The following MRPL38 variants were observed in gnomAD, a reference collection of about 807,000 sequenced individuals.
The protein encoded by MRPL38 is mitochondrial ribosomal protein L38, also known as large ribosomal subunit protein mL38.
MRPL38 carries 51 observed loss-of-function variants against 52.1 expected under a neutral mutation model. The ratio of observed to expected loss-of-function variants is 0.98; its 90% confidence interval spans 0.78 to 1.24. MRPL38 has a LOEUF of 1.24. Ranked by LOEUF, MRPL38 falls within the 50% of genes most tolerant of loss-of-function variation. The pLI, the probability that MRPL38 is intolerant of heterozygous loss-of-function variation, is 0.00. For missense variants in MRPL38, 527 were observed against 518.6 expected, an observed-to-expected ratio of 1.02 and a Z score of -0.16; for synonymous variants, 245 against 212.7, an observed-to-expected ratio of 1.15 and a Z score of -1.32.
chr17:75,900,778 G>A (rs954366061), intron 6 of MRPL38: 77 of 1,402,486 alleles, frequency 5.5e-5, no homozygotes, highest in Non-Finnish European at 7.0e-5. Flanking sequence ...ACTGACCGAG[G>A]CCTACTGCAA....
intron 2 of MRPL38, among the ~76,000 whole-genome samples, chr17:75,902,753 ACT>A (rs1007324379): frequency 6.6e-6 from 1 of 151,644 alleles, no homozygotes; most frequent in African/African-American, 2.4e-5. Context: ...ACAGAATCTC[ACT>A]CTCTCGCCCA....
chr17:75,901,813 C>T lies in MRPL38; in HGVS notation c.490G>A (p.Gly164Ser), dbSNP rs764881269. Residue 164 changes from glycine (G) to serine (S), a missense_variant, in exon 4 of 9, where the codon GGT (glycine) becomes AGT (serine). By Grantham distance (56) the Gly-to-Ser change is moderately conservative. Coordinates refer to ENST00000309352, the MANE Select transcript of MRPL38 (RefSeq NM_032478.4). This position sits in a 1 kb window ranked among gnomAD's most constrained non-coding sequence, Gnocchi z 5.7. ...GGGACTCGGGGCACAAAGGTGGCAC[C>T]GTGGAACAGGTCTCGGTAGAGGCCG... is the stretch of plus-strand genomic sequence containing the variant. ...YYGLYRDLFH[G>S]ATFVPRVPLH... The T allele has an allele frequency of 6.8e-6, 11 of 1,613,506 alleles. No individual in the cohort carries two copies. The highest frequency in any genetic ancestry group is 2.2e-5 in the East Asian group (1 of 44,870).
At chr17:75,904,768 C>CTGG in intron 1 of MRPL38, 41 bp downstream of exon 1, 4 of 1,056,376 alleles carry the variant, frequency 3.8e-6, no homozygotes, top group Non-Finnish European at 5.0e-6. Flanking sequence ...GCTCGGGCGA[C>CTGG]AGCCCCCCCC....
intron 8 of MRPL38, 42 bp downstream of exon 8, chr17:75,899,116 G>C: frequency 6.4e-7 from 1 of 1,571,200 alleles, no homozygotes; most frequent in African/African-American, 1.4e-5. Context: ...GCGAGGCCTG[G>C]GAGCTCAGGC....
At chr17:75,904,512 T>C in intron 2 of MRPL38, 28 bp downstream of exon 2, 2 of 1,498,654 alleles carry the variant, frequency 1.3e-6, no homozygotes, top group South Asian at 1.3e-5. Flanking sequence ...GGGCGGTGGC[T>C]GCAGCCCCTG....
intron 8 of MRPL38, 33 bp downstream of exon 8, chr17:75,899,125 G>T (rs1242268138): frequency 6.3e-7 from 1 of 1,584,590 alleles, no homozygotes; most frequent in Non-Finnish European, 8.6e-7. Context: ...GGGAGCTCAG[G>T]CCCACCCAGT....
At chr17:75,904,105 C>T in intron 2 of MRPL38, 1 of 408,284 alleles carries the variant, frequency 2.4e-6, no homozygotes, top group African/African-American at 2.1e-5. Flanking sequence ...TACATCCTTG[C>T]ACTGTTCGGG....
Position 75,901,777 on chromosome 17 carries a change from C to A in MRPL38, c.526G>T (p.Ala176Ser). ...TFVPRVPLHV[A>S]YAVGEDDLMP... ...AGGTCATCCTCACCCACAGCGTAGG[C>A]CACGTGCAGGGGGACTCGGGGCACA... The change falls in exon 4 of 9, where the codon GCC (alanine) becomes TCC (serine). Residue 176 changes from alanine to serine, a missense_variant. Physicochemically the swap from Ala to Ser is moderately conservative, Grantham distance 99. Transcript: ENST00000309352. The surrounding 1 kb of genome is among the most constrained non-coding windows in gnomAD (Gnocchi z 5.7). The A allele has an allele frequency of 6.2e-7, 1 of 1,613,754 alleles. No individual in the cohort carries two copies.
intron 1 of MRPL38, 39 bp downstream of exon 1, chr17:75,904,770 G>GGGGGCCCCCCCCCC: frequency 2.0e-6 from 1 of 500,006 alleles, no homozygotes. Flanking sequence ...TCGGGCGACA[G>GGGGGCCCCCCCCCC]CCCCCCCCCC....
chr17:75,900,653 A>G, intron 6 of MRPL38: 1 of 619,736 alleles, frequency 1.6e-6, no homozygotes, highest in Non-Finnish European at 2.2e-6. Flanking sequence ...CCCAGGAGTT[A>G]GCGGCTGCAA....
At chr17:75,903,387 C>T (rs2065413857) in intron 2 of MRPL38, among the ~76,000 whole-genome samples, 1 of 152,140 alleles carries the variant, frequency 6.6e-6, no homozygotes, top group Non-Finnish European at 1.5e-5. Context: ...GCCTGGGCAA[C>T]AGAGCGAGCC....
Position 75,901,354 on chromosome 17 carries a change from A to G in MRPL38, c.592-81T>C, listed in dbSNP as rs1370737692. ...GGGAGCCTTGGAGAAAGGGGTGCCC[A>G]CTCTGACCCAAAAGCCCTTGACAAC... On this transcript the variant is annotated intron_variant, in intron 4 of 8. Coordinates refer to ENST00000309352, the MANE Select transcript of MRPL38 (RefSeq NM_032478.4). This position sits in a 1 kb window ranked among gnomAD's most constrained non-coding sequence, Gnocchi z 5.7. The G allele has an allele frequency of 3.0e-5, 41 of 1,388,798 alleles. No individual in the cohort carries two copies. The highest frequency in any genetic ancestry group is 3.9e-5 in the Non-Finnish European group (39 of 996,214). 86.0% of individuals were successfully genotyped at this position (1,388,798 alleles called of 1,614,324 possible). A position where few individuals can be genotyped will look rare whatever the true frequency, so the allele number is the denominator to read the frequency against.
intron 6 of MRPL38, chr17:75,900,036 G>C (rs2065396913): frequency 6.1e-6 from 1 of 165,168 alleles, no homozygotes; most frequent in South Asian, 2.0e-4. Context: ...CCAGGACCTC[G>C]TCAGGGAGTG....
At position 75,904,796 on chromosome 17, in the gene MRPL38, G is replaced by A. The variant is rs1307494378; in HGVS notation, c.67+13C>T. 2 of 703,968 alleles carry A rather than the reference G, an allele frequency of 2.8e-6. No homozygotes were observed. The highest frequency in any genetic ancestry group is 3.8e-6 in the Non-Finnish European group (2 of 531,804). The allele number at this position is 703,968 out of a possible 1,614,324, so 43.6% of individuals were successfully genotyped here. A position where few individuals can be genotyped will look rare whatever the true frequency, so the allele number is the denominator to read the frequency against. On this transcript the variant is annotated intron_variant, in intron 1 of 8. Transcript: ENST00000309352. ...CCCCCCCCCCCCCCCCCGCAGAGCTGCCCACCCCTCACCCGAGGTGCTGAA... is the reference window on the plus strand; with the variant it reads ...CCCCCCCCCCCCCCCCCGCAGAGCTACCCACCCCTCACCCGAGGTGCTGAA...
At position 75,899,277 on chromosome 17, in the gene MRPL38, C is replaced by T. The variant is rs1413161895; in HGVS notation, c.887G>A (p.Arg296Gln). The T allele has an allele frequency of 3.1e-6, 5 of 1,612,472 alleles. No homozygotes were observed. The highest frequency in any genetic ancestry group is 2.7e-5 in the African/African-American group (2 of 74,918). ...GTAGAAATCAAAAGTGCGGAAGGTC[C>T]GCTGGGCCAGCTGATAGCTATGAGA... The part of the protein sequence containing the change: ...RPSPCYQLAQ[R>Q]TFRTFDFYKK... Residue 296 changes from arginine to glutamine, a missense_variant, in exon 8 of 9, where the codon CGG (arginine) becomes CAG (glutamine). By Grantham distance (43) the Arg-to-Gln change is conservative. Transcript: ENST00000309352.
intron 6 of MRPL38, 99 bp downstream of exon 6, chr17:75,900,883 C>T (rs2065400719): frequency 6.0e-6 from 9 of 1,497,444 alleles, no homozygotes; most frequent in Non-Finnish European, 8.0e-6. Context: ...TTCAAGGTCC[C>T]ATGGGTAGTC....
Position 75,898,917 on chromosome 17 carries a change from T to C in MRPL38, c.1076A>G (p.His359Arg), listed in dbSNP as rs751697529. Residue 359 changes from histidine to arginine, a missense_variant, in exon 9 of 9, where the codon CAC (histidine) becomes CGC (arginine). Physicochemically the swap from His to Arg is conservative, Grantham distance 29. Coordinates refer to ENST00000309352, the MANE Select transcript of MRPL38 (RefSeq NM_032478.4). ...GTCCAGGTAGCGCAGGGGCTGCCGG[T>C]GGGGGAAGCGCTTCTGCTTGGGGTG... Reference protein sequence around the residue: ...PYHPKQKRFPHRQPLRYLDRY... With the variant: ...PYHPKQKRFPRRQPLRYLDRY... The C allele has an allele frequency of 6.2e-7, 1 of 1,610,488 alleles. No homozygotes were observed. The highest frequency in any genetic ancestry group is 8.5e-7 in the Non-Finnish European group (1 of 1,179,096).
intron 2 of MRPL38, 159 bp from the exon 3 acceptor site, chr17:75,902,313 AG>A (rs1445787181): frequency 3.8e-6 from 3 of 781,662 alleles, no homozygotes; most frequent in Middle Eastern, 3.8e-4. Context: ...CACATTGCCC[AG>A]GCTGGTATGA....
Position 75,899,464 on chromosome 17 carries a change from G to C in MRPL38, c.869+52C>G, listed in dbSNP as rs563116995. 3 of 1,539,834 alleles carry C rather than the reference G, an allele frequency of 1.9e-6. No homozygotes were observed. The Admixed American group carries it at 5.8e-5, about 30-fold the overall frequency. ...AAGAGAGAACTGAGCAAGAGTGACC[G>C]TTCCAGGGGAGCTGGCCTGAGGCCG... On this transcript the variant is annotated intron_variant, in intron 7 of 8. Coordinates refer to ENST00000309352, the MANE Select transcript of MRPL38 (RefSeq NM_032478.4).
Sources: allele counts gnomAD v4.1 joint callset (sites outside exome capture counted in the v4.1 genomes callset), GRCh38; gene constraint gnomAD v4.1.1; non-coding constraint Gnocchi (gnomAD v3.1); transcripts MANE v1.5; gene names NCBI Gene and HGNC (gene_info 2026-07-23, HGNC 2026-07-21).